The following PPARGC1A variants were observed in gnomAD, a reference collection of about 807,000 sequenced individuals.
PPARGC1A encodes the protein peroxisome proliferator-activated receptor gamma coactivator 1-alpha.
In PPARGC1A, 25 loss-of-function variants were observed where a neutral mutation model predicts 88.7. The observed-to-expected ratio is 0.28, with a 90% CI of 0.21 to 0.39. PPARGC1A has a LOEUF of 0.39. PPARGC1A is among the 10% of genes least tolerant of loss of function. The pLI is 1.00. For synonymous variants in PPARGC1A, 363 were observed against 355.6 expected, an observed-to-expected ratio of 1.02 and a Z score of -0.24; for missense variants, 880 against 968.7, an observed-to-expected ratio of 0.91 and a Z score of 1.22.
At chr4:24,377,915 C>T in the PPARGC1A span, among the ~76,000 whole-genome samples, 1 of 152,174 alleles carries the variant, frequency 6.6e-6, no homozygotes, top group Non-Finnish European at 1.5e-5. Context: ...AGCTAACTCT[C>T]CAGGTCCATT....
At chr4:23,913,994 A>G in the PPARGC1A span, among the ~76,000 whole-genome samples, 1 of 152,214 alleles carries the variant, frequency 6.6e-6, no homozygotes, top group Non-Finnish European at 1.5e-5. Context: ...AGTTATATTT[A>G]TATTAATGTT....
chr4:23,946,521 C>A, the PPARGC1A span, among the ~76,000 whole-genome samples: 1 of 151,444 alleles, frequency 6.6e-6, no homozygotes, highest in African/African-American at 2.4e-5. Flanking sequence ...CAGTGCCCAG[C>A]TCAAAGGACA....
At chr4:24,051,607 A>T in the PPARGC1A span, among the ~76,000 whole-genome samples, 54 of 152,338 alleles carry the variant, frequency 3.5e-4, no homozygotes, top group South Asian at 2.1e-4. Context: ...ATTCGCATCC[A>T]CATTATCTGC....
chr4:23,871,358 T>C (rs1713323432), intron 2 of PPARGC1A, among the ~76,000 whole-genome samples: 1 of 152,186 alleles, frequency 6.6e-6, no homozygotes, highest in South Asian at 2.1e-4. Flanking sequence ...TGACCTAATG[T>C]AACTCTCAAA....
chr4:24,109,555 A>G, the PPARGC1A span, among the ~76,000 whole-genome samples: 19 of 152,158 alleles, frequency 1.2e-4, no homozygotes, highest in Non-Finnish European at 1.9e-4. Flanking sequence ...ATAAGCTTTC[A>G]TATCTATTCA....
the PPARGC1A span, among the ~76,000 whole-genome samples, chr4:24,448,753 T>C: frequency 7.9e-5 from 12 of 152,248 alleles, no homozygotes; most frequent in Admixed American, 7.8e-4. Context: ...CTAGTCTGAA[T>C]ACCCCTCCCT....
At chr4:24,263,484 C>G in the PPARGC1A span, among the ~76,000 whole-genome samples, 16 of 144,940 alleles carry the variant, frequency 1.1e-4, no homozygotes, top group Admixed American at 6.8e-5. Context: ...CACACACACA[C>G]AGAGTTGACC....
chr4:23,814,619 TAAAA>T lies in PPARGC1A; in HGVS notation c.878-18_878-15del, dbSNP rs11290186. 2.2e-4 allele frequency: 254 copies of T among 1,179,822 alleles called. No homozygotes were observed. Among genetic ancestry groups the T allele is most frequent in the Non-Finnish European group, 2.4e-4 (215 of 893,934 alleles). The allele number at this position is 1,179,822 out of a possible 1,614,324, so 73.1% of individuals were successfully genotyped here. A position where few individuals can be genotyped will look rare whatever the true frequency, so the allele number is the denominator to read the frequency against. On this transcript the variant is annotated splice_polypyrimidine_tract_variant and intron_variant, in intron 7 of 12. Transcript: ENST00000264867. ...GTGGAGTTAGGCCTAAGGCAAAAAT[TAAAA>T]AAAAAAAAAAAAAGAGAGAGAAAGA...
the PPARGC1A span, among the ~76,000 whole-genome samples, chr4:24,443,253 G>A: frequency 7.9e-5 from 3 of 38,024 alleles, no homozygotes; most frequent in Admixed American, 5.5e-4. Flanking sequence ...AAAATGTATG[G>A]GTTTTTTTTT....
chr4:23,961,846 C>T, the PPARGC1A span, among the ~76,000 whole-genome samples: 48 of 152,236 alleles, frequency 3.2e-4, 1 homozygote, highest in South Asian at 9.3e-3. Context: ...CATCCTTTTA[C>T]CCATAAGGTG....
chr4:24,289,242 A>AAAAAG, the PPARGC1A span, among the ~76,000 whole-genome samples: 128 of 95,726 alleles, frequency 1.3e-3, no homozygotes, highest in African/African-American at 4.3e-3. Context: ...AAAAAAAAAA[A>AAAAAG]AGAGAGAGAG....
At chr4:24,451,147 C>A in the PPARGC1A span, among the ~76,000 whole-genome samples, 1 of 152,142 alleles carries the variant, frequency 6.6e-6, no homozygotes, top group Non-Finnish European at 1.5e-5. Flanking sequence ...ATCTGAAATA[C>A]CCCTTGCCAG....
At chr4:24,357,688 G>A in the PPARGC1A span, among the ~76,000 whole-genome samples, 299 of 152,232 alleles carry the variant, frequency 2.0e-3, no homozygotes, top group African/African-American at 6.8e-3. Context: ...AGACCCGGTG[G>A]GAGATAATTG....
the PPARGC1A span, among the ~76,000 whole-genome samples, chr4:24,376,584 T>C: frequency 6.6e-6 from 1 of 152,240 alleles, no homozygotes; most frequent in African/African-American, 2.4e-5. Context: ...TTTCCCTAAC[T>C]AGCTCACTGA....
At position 23,795,911 on chromosome 4, in the gene PPARGC1A, C is replaced by A; in HGVS notation, c.2308G>T (p.Asp770Tyr). 1 of 1,610,520 alleles carries A rather than the reference C, an allele frequency of 6.2e-7. No individual in the cohort carries two copies. The highest frequency in any genetic ancestry group is 1.1e-5 in the South Asian group (1 of 90,664). Residue 770 changes from aspartate (D) to tyrosine (Y), a missense_variant, in exon 13 of 13, where the codon GAC becomes TAC. Physicochemically the swap from Asp to Tyr is radical, Grantham distance 160. Coordinates refer to ENST00000264867, the MANE Select transcript of PPARGC1A (RefSeq NM_013261.5). ...NYADLDSNSDDFDPASTKSKY... is the reference protein window; with the variant it reads ...NYADLDSNSDYFDPASTKSKY... Reference sequence around the variant, plus strand: ...CTCTTGGTGGAAGCAGGGTCAAAGTCATCTGAGTTTGAATCTGAAAAAAAA... The same window carrying A: ...CTCTTGGTGGAAGCAGGGTCAAAGTAATCTGAGTTTGAATCTGAAAAAAAA...
the PPARGC1A span, among the ~76,000 whole-genome samples, chr4:24,102,479 C>G: frequency 6.6e-6 from 1 of 152,216 alleles, no homozygotes; most frequent in African/African-American, 2.4e-5. Flanking sequence ...GATCTAATAG[C>G]TCCTGAGGCC....
chr4:24,147,436 C>G, the PPARGC1A span, among the ~76,000 whole-genome samples: 131 of 152,306 alleles, frequency 8.6e-4, no homozygotes, highest in African/African-American at 3.0e-3. Flanking sequence ...GAGGACTCCT[C>G]TCTATATCCT....
the PPARGC1A span, among the ~76,000 whole-genome samples, chr4:23,939,436 AG>A: frequency 6.6e-6 from 1 of 152,238 alleles, no homozygotes; most frequent in South Asian, 2.1e-4. Flanking sequence ...TCTAGGTCAA[AG>A]GATGTTTAGA....
chr4:24,313,883 CATAA>C, the PPARGC1A span, among the ~76,000 whole-genome samples: 1 of 152,112 alleles, frequency 6.6e-6, no homozygotes, highest in South Asian at 2.1e-4. Context: ...CATAAATGTC[CATAA>C]ATAGAGGAAT....
Sources: allele counts gnomAD v4.1 joint callset (sites outside exome capture counted in the v4.1 genomes callset), GRCh38; gene constraint gnomAD v4.1.1; transcripts MANE v1.5; gene names NCBI Gene and HGNC (gene_info 2026-07-23, HGNC 2026-07-21).